The following BICDL1 variants were observed in gnomAD, a reference collection of about 807,000 sequenced individuals.
BICDL1 encodes BICD family-like cargo adapter 1.
A neutral mutation model predicts 76.8 loss-of-function variants in BICDL1; 20 were observed. That is an observed-to-expected ratio of 0.26 (90% confidence interval 0.18 to 0.38). The LOEUF (loss-of-function observed/expected upper bound fraction) is 0.38, where lower values mean the gene tolerates loss of function less well. Ranked by LOEUF, BICDL1 falls within the 10% of genes least tolerant of loss-of-function variation. The pLI is 1.00. For missense variants in BICDL1, 700 were observed against 798.6 expected, an observed-to-expected ratio of 0.88 and a Z score of 1.49; for synonymous variants, 383 against 337.1, an observed-to-expected ratio of 1.14 and a Z score of -1.49.
chr12:120,045,960 T>A (rs887082822), intron 2 of BICDL1, among the ~76,000 whole-genome samples: 1 of 144,560 alleles, frequency 6.9e-6, no homozygotes, highest in Non-Finnish European at 1.5e-5. Context: ...ACATTTCACA[T>A]TCCAGGAAGC....
intron 2 of BICDL1, among the ~76,000 whole-genome samples, chr12:120,052,780 GT>G (rs1952890782): frequency 1.3e-5 from 2 of 152,100 alleles, no homozygotes; most frequent in Non-Finnish European, 2.9e-5. Flanking sequence ...ATTTTCTTTT[GT>G]TTTCTTTTTG....
intron 2 of BICDL1, among the ~76,000 whole-genome samples, chr12:120,049,487 C>T (rs1952812070): frequency 6.6e-6 from 1 of 152,178 alleles, no homozygotes; most frequent in African/African-American, 2.4e-5. Context: ...AGTGTTTTCT[C>T]TGGAAAGGTT....
chr12:120,091,047 C>CCGT, intron 9 of BICDL1: 1 of 1,288,784 alleles, frequency 7.8e-7, no homozygotes, highest in Non-Finnish European at 1.0e-6. Flanking sequence ...ATCCCATCCA[C>CCGT]CGTCTCGCCC....
intron 3 of BICDL1, among the ~76,000 whole-genome samples, chr12:120,062,592 C>T (rs1012855205): frequency 2.6e-5 from 4 of 152,156 alleles, no homozygotes; most frequent in African/African-American, 7.2e-5. Flanking sequence ...AAGCGATCTG[C>T]CATCATGGTC....
chr12:120,061,947 A>G (rs1953114742), intron 3 of BICDL1, 121 bp downstream of exon 3: 3 of 664,184 alleles, frequency 4.5e-6, no homozygotes, highest in Non-Finnish European at 5.4e-6. Flanking sequence ...GCGAAACTAA[A>G]TGGGAAACAT....
chr12:120,052,425 C>G (rs1952882773), intron 2 of BICDL1, among the ~76,000 whole-genome samples: 1 of 151,778 alleles, frequency 6.6e-6, no homozygotes, highest in Non-Finnish European at 1.5e-5. Context: ...GACTATTGAT[C>G]AATTATTTGG....
intron 4 of BICDL1, among the ~76,000 whole-genome samples, chr12:120,067,302 CA>C (rs1953242140): frequency 6.6e-6 from 1 of 152,236 alleles, no homozygotes; most frequent in African/African-American, 2.4e-5. Flanking sequence ...CACTGTGGGG[CA>C]ACCCAGGAAG....
chr12:120,031,784 C>G (rs1428838133), intron 2 of BICDL1, among the ~76,000 whole-genome samples: 1 of 152,164 alleles, frequency 6.6e-6, no homozygotes, highest in African/African-American at 2.4e-5. Flanking sequence ...TGTCTACTGT[C>G]TTGACAGTCT....
intron 3 of BICDL1, among the ~76,000 whole-genome samples, chr12:120,062,645 T>G (rs1953130647): frequency 6.6e-6 from 1 of 152,184 alleles, no homozygotes; most frequent in South Asian, 2.1e-4. Context: ...GCTCGGTAAA[T>G]GACCTGAGGA....
At chr12:120,014,676 C>T (rs941536021) in intron 2 of BICDL1, among the ~76,000 whole-genome samples, 4 of 149,216 alleles carry the variant, frequency 2.7e-5, no homozygotes, top group Admixed American at 6.7e-5. Flanking sequence ...TGTGACAGAG[C>T]GAGACTCCAT....
chr12:119,992,158 T>C (rs1951537519), intron 1 of BICDL1, among the ~76,000 whole-genome samples: 1 of 152,204 alleles, frequency 6.6e-6, no homozygotes, highest in African/African-American at 2.4e-5. Flanking sequence ...ATAGGTAGGT[T>C]TGAAAATTAT....
chr12:120,072,499 T>A lies in BICDL1; in HGVS notation c.1090-12T>A, dbSNP rs1873184547. 2 of 1,613,512 alleles carry A rather than the reference T, an allele frequency of 1.2e-6. No individual in the cohort carries two copies. The highest frequency in any genetic ancestry group is 8.5e-7 in the Non-Finnish European group (1 of 1,179,454). Reference sequence around the variant, plus strand: ...TAGAGTCTGAAATGAATAGTAATTCTCTGTGGAACAGCTGAGACTGCAGCT... The same window carrying A: ...TAGAGTCTGAAATGAATAGTAATTCACTGTGGAACAGCTGAGACTGCAGCT... On this transcript the variant is annotated splice_polypyrimidine_tract_variant and intron_variant, in intron 5 of 9. Coordinates refer to ENST00000548673, the MANE Select transcript of BICDL1 (RefSeq NM_001367886.1).
rs1267185249 is a variant in BICDL1 at position 119,989,260 on chromosome 12, G to A, written c.-609G>A. ...CAGGAAGGAGCTCGCCGGGTTGCGC[G>A]GCGCGCGATGTGGAGCCGCCGCCTC... On this transcript the variant is annotated 5_prime_UTR_variant, in exon 1 of 10. Coordinates refer to ENST00000548673, the MANE Select transcript of BICDL1 (RefSeq NM_001367886.1). Among the ~76,000 whole-genome samples the A allele has an allele frequency of 2.0e-5, 3 of 150,180 alleles. No homozygotes were observed. The highest frequency in any genetic ancestry group is 7.3e-5 in the African/African-American group (3 of 41,202).
At chr12:119,991,978 C>T (rs189802083) in intron 1 of BICDL1, among the ~76,000 whole-genome samples, 19 of 152,270 alleles carry the variant, frequency 1.2e-4, no homozygotes, top group Admixed American at 9.8e-4. Flanking sequence ...AACCTTCATT[C>T]CTCTGCAGGT....
chr12:120,019,372 T>G (rs1015663260), intron 2 of BICDL1: 4 of 152,226 alleles, frequency 2.6e-5, no homozygotes, highest in African/African-American at 9.6e-5. Flanking sequence ...ATCTGGTGTC[T>G]CATCACCTGG....
intron 2 of BICDL1, among the ~76,000 whole-genome samples, chr12:120,012,465 C>A (rs1054731450): frequency 2.0e-5 from 3 of 152,164 alleles, no homozygotes; most frequent in African/African-American, 7.2e-5. Flanking sequence ...ACACACCTCT[C>A]GTCATCAGTT....
chr12:120,010,336 T>TC (rs765236170), intron 2 of BICDL1, among the ~76,000 whole-genome samples: 2 of 152,252 alleles, frequency 1.3e-5, no homozygotes, highest in Non-Finnish European at 2.9e-5. Context: ...ATCCTTATCC[T>TC]CCAATTTCAA....
Position 120,090,142 on chromosome 12 carries a change from A to C in BICDL1, c.1704+71A>C, listed in dbSNP as rs1874838514. 3.8e-6 allele frequency: 6 copies of C among 1,572,610 alleles called. No homozygotes were observed. The Admixed American group carries it at 7.0e-5, about 18-fold the overall frequency. On this transcript the variant is annotated intron_variant, in intron 9 of 9. Coordinates refer to ENST00000548673, the MANE Select transcript of BICDL1 (RefSeq NM_001367886.1). Reference sequence around the variant, plus strand: ...AATCTCTGAACCCAGGCAGAGTGTAAGGAGAGTTTGCCACTGGAGGGTTCC... The same window carrying C: ...AATCTCTGAACCCAGGCAGAGTGTACGGAGAGTTTGCCACTGGAGGGTTCC...
At chr12:120,086,744 C>T (rs1874446089) in intron 8 of BICDL1, among the ~76,000 whole-genome samples, 1 of 152,200 alleles carries the variant, frequency 6.6e-6, no homozygotes, top group Admixed American at 6.5e-5. Flanking sequence ...AAGTCAGTTA[C>T]TAGTGGTTTC....
Sources: allele counts gnomAD v4.1 joint callset (sites outside exome capture counted in the v4.1 genomes callset), GRCh38; gene constraint gnomAD v4.1.1; transcripts MANE v1.5; gene names NCBI Gene and HGNC (gene_info 2026-07-23, HGNC 2026-07-21).